PREX2: variants seen among roughly 807,000 people sequenced by gnomAD.
The protein encoded by PREX2 is phosphatidylinositol-3,4,5-trisphosphate dependent Rac exchange factor 2.
In PREX2, 107 loss-of-function variants were observed where a neutral mutation model predicts 203.2. That is an observed-to-expected ratio of 0.53 (90% CI 0.45 to 0.62). The LOEUF (loss-of-function observed/expected upper bound fraction) is 0.62. Ranked by LOEUF, PREX2 falls within the 20% of genes least tolerant of loss-of-function variation. PREX2 has a pLI of 0.00. For missense variants in PREX2, 1,777 were observed against 1,955.9 expected, an observed-to-expected ratio of 0.91 and a Z score of 1.72; for synonymous variants, 672 against 663.6, an observed-to-expected ratio of 1.01 and a Z score of -0.19.
At chr8:67,967,253 AAG>A (rs1193766224) in intron 1 of PREX2, among the ~76,000 whole-genome samples, 1 of 152,226 alleles carries the variant, frequency 6.6e-6, no homozygotes, top group Non-Finnish European at 1.5e-5. Flanking sequence ...CTAATAAATA[AAG>A]TTAATAGAAC....
intron 31 of PREX2, 67 bp from the exon 32 acceptor site, chr8:68,133,992 T>C (rs1326723077): frequency 1.6e-6 from 2 of 1,241,758 alleles, no homozygotes; most frequent in Non-Finnish European, 2.4e-6. Flanking sequence ...ATGTAGATGC[T>C]GAACGCATTG....
chr8:68,178,972 T>A (rs535512206), intron 35 of PREX2, among the ~76,000 whole-genome samples: 1 of 152,172 alleles, frequency 6.6e-6, no homozygotes, highest in East Asian at 1.9e-4. Flanking sequence ...ATTAAAATAT[T>A]GCAGAGATGA....
At chr8:67,974,211 C>T (rs183983198) in intron 1 of PREX2, among the ~76,000 whole-genome samples, 27 of 152,120 alleles carry the variant, frequency 1.8e-4, no homozygotes, top group Admixed American at 1.5e-3. Flanking sequence ...ATAGGAACCT[C>T]GTGTTTGAAA....
intron 1 of PREX2, among the ~76,000 whole-genome samples, chr8:67,968,070 T>TAAA (rs11377523): frequency 7.0e-6 from 1 of 142,612 alleles, no homozygotes; most frequent in Non-Finnish European, 1.5e-5. Context: ...ACTTAAAGTA[T>TAAA]AAAAAAAAAA....
At chr8:68,072,923 C>T (rs1051533875) in intron 14 of PREX2, among the ~76,000 whole-genome samples, 20 of 151,970 alleles carry the variant, frequency 1.3e-4, no homozygotes, top group Admixed American at 1.3e-3. Context: ...TTAATGCTAG[C>T]AAGTTATTCT....
intron 37 of PREX2, among the ~76,000 whole-genome samples, chr8:68,216,265 C>T (rs1563591585): frequency 6.6e-6 from 1 of 152,314 alleles, no homozygotes; most frequent in East Asian, 1.9e-4. Flanking sequence ...TTCTGTGTTA[C>T]AGCCACATAG....
chr8:67,999,610 C>T (rs1806880274), intron 1 of PREX2, among the ~76,000 whole-genome samples: 1 of 151,888 alleles, frequency 6.6e-6, no homozygotes, highest in Non-Finnish European at 1.5e-5. Context: ...TTACACAACT[C>T]ATTCTATGAG....
chr8:68,180,671 CA>C (rs1812067088), intron 35 of PREX2, among the ~76,000 whole-genome samples: 1 of 152,040 alleles, frequency 6.6e-6, no homozygotes, highest in African/African-American at 2.4e-5. Context: ...GTCAAAAGGG[CA>C]AGGGAATAGA....
intron 37 of PREX2, among the ~76,000 whole-genome samples, chr8:68,199,042 A>T (rs1451465832): frequency 6.6e-6 from 1 of 152,164 alleles, no homozygotes; most frequent in African/African-American, 2.4e-5. Flanking sequence ...TATTCCAGGA[A>T]ACAGGGTCCT....
At chr8:67,995,303 C>T (rs1806734278) in intron 1 of PREX2, among the ~76,000 whole-genome samples, 1 of 152,134 alleles carries the variant, frequency 6.6e-6, no homozygotes, top group South Asian at 2.1e-4. Flanking sequence ...TTATCACAAA[C>T]AACATATGAT....
intron 37 of PREX2, among the ~76,000 whole-genome samples, chr8:68,212,980 T>G (rs1361172920): frequency 6.6e-6 from 1 of 152,120 alleles, no homozygotes; most frequent in Non-Finnish European, 1.5e-5. Context: ...ATATTTCCCA[T>G]CCTGGGGGCC....
chr8:68,099,608 C>T (rs1218289208), intron 22 of PREX2, 74 bp from the exon 23 acceptor site: 16 of 1,384,872 alleles, frequency 1.2e-5, no homozygotes, highest in East Asian at 2.3e-5. Flanking sequence ...CTTCTTGTTT[C>T]GTTTTGTTTT....
intron 37 of PREX2, among the ~76,000 whole-genome samples, chr8:68,193,420 G>A (rs544557615): frequency 1.3e-5 from 2 of 152,164 alleles, no homozygotes; most frequent in Admixed American, 6.5e-5. Flanking sequence ...CCATCAACCC[G>A]TCACCTACAT....
chr8:68,062,880 A>G (rs1213594168), intron 11 of PREX2, among the ~76,000 whole-genome samples: 2 of 152,166 alleles, frequency 1.3e-5, no homozygotes, highest in Admixed American at 6.5e-5. Flanking sequence ...TATAAGCACC[A>G]TCCAAACAAG....
At chr8:68,079,410 A>G (rs1426720464) in intron 15 of PREX2, among the ~76,000 whole-genome samples, 1 of 152,166 alleles carries the variant, frequency 6.6e-6, no homozygotes, top group African/African-American at 2.4e-5. Context: ...TTATTACCTC[A>G]TTTTGGTTTT....
chr8:68,140,633 C>T (rs1399218719), intron 33 of PREX2, among the ~76,000 whole-genome samples: 1 of 152,138 alleles, frequency 6.6e-6, no homozygotes, highest in Non-Finnish European at 1.5e-5. Flanking sequence ...TGTAAAGACA[C>T]CATTGGCTTT....
At chr8:68,027,163 A>G in intron 4 of PREX2, 59 bp from the exon 5 acceptor site, 1 of 1,261,628 alleles carries the variant, frequency 7.9e-7, no homozygotes. Flanking sequence ...ATGGTGGAAG[A>G]AAGTTTCACA....
Position 68,217,636 on chromosome 8 carries a change from T to C in PREX2, c.4625T>C (p.Leu1542Pro). 6.2e-7 allele frequency: 1 copy of C among 1,614,104 alleles called. No homozygotes were observed. Among genetic ancestry groups the C allele is most frequent in the Non-Finnish European group, 8.5e-7 (1 of 1,179,990 alleles). Reference protein sequence around the residue: ...GVHRCTLSVTLEQAIILARSH... With the variant: ...GVHRCTLSVTPEQAIILARSH... Reference sequence around the variant, plus strand: ...CACAGGTGCACCCTGAGCGTGACGCTGGAGCAAGCCATCATTCTGGCCAGA... The same window carrying C: ...CACAGGTGCACCCTGAGCGTGACGCCGGAGCAAGCCATCATTCTGGCCAGA... Residue 1542 changes from leucine to proline, a missense_variant, in exon 38 of 40, where the codon CTG becomes CCG. Coordinates refer to ENST00000288368, the MANE Select transcript of PREX2 (RefSeq NM_024870.4).
At chr8:68,178,803 T>C (rs1812031135) in intron 35 of PREX2, among the ~76,000 whole-genome samples, 1 of 152,164 alleles carries the variant, frequency 6.6e-6, no homozygotes, top group Admixed American at 6.6e-5. Flanking sequence ...CTCATAGAGA[T>C]ATGCTTACAG....
Sources: gnomAD v4.1 joint callset for allele counts (sites outside exome capture counted in the v4.1 genomes callset) on GRCh38, gnomAD v4.1.1 for gene constraint, MANE v1.5 for transcripts, NCBI Gene and HGNC (gene_info 2026-07-23, HGNC 2026-07-21) for gene names.